The following CD44 variants were observed in gnomAD, a reference collection of about 807,000 sequenced individuals.
CD44 encodes CD44 antigen.
CD44 carries 49 observed loss-of-function variants against 88.8 expected under a neutral mutation model. The ratio of observed to expected loss-of-function variants is 0.55; its 90% CI spans 0.44 to 0.70. The LOEUF is 0.70. Among genes scored for constraint, CD44 ranks in the 30% least tolerant of loss-of-function variants. CD44 has a pLI of 0.00. For missense variants in CD44, 883 were observed against 913.8 expected (o/e 0.97, Z 0.43); for synonymous variants, 325 against 312.3 (o/e 1.04, Z -0.43).
chr11:35,198,035 A>T, intron 6 of CD44, 86 bp from the exon 7 acceptor site: 1 of 1,445,930 alleles, frequency 6.9e-7, no homozygotes, highest in Non-Finnish European at 9.4e-7. Context: ...TGGGAAATCC[A>T]TTATACCTTC....
At chr11:35,205,976 TC>T in intron 10 of CD44, 135 bp from the exon 11 acceptor site, 7 of 1,325,020 alleles carry the variant, frequency 5.3e-6, no homozygotes, top group Non-Finnish European at 6.8e-6. Flanking sequence ...TTATGCAACT[TC>T]CTTGCCCTCT....
chr11:35,178,796 G>A (rs564666825), intron 2 of CD44, among the ~76,000 whole-genome samples: 11 of 152,262 alleles, frequency 7.2e-5, no homozygotes, highest in African/African-American at 2.6e-4. Context: ...GGTTCACCAA[G>A]AAGTATTATT....
intron 7 of CD44, among the ~76,000 whole-genome samples, chr11:35,200,174 C>T (rs1032679173): frequency 4.0e-5 from 6 of 151,850 alleles, no homozygotes; most frequent in Non-Finnish European, 8.8e-5. Context: ...ATAGAGCTGA[C>T]AGTATTATAG....
chr11:35,188,991 C>G (rs549101992), intron 4 of CD44, among the ~76,000 whole-genome samples: 296 of 152,174 alleles, frequency 1.9e-3, no homozygotes, highest in Non-Finnish European at 3.5e-3. Flanking sequence ...CAAAAAGAAC[C>G]TTTAGTCCCA....
intron 15 of CD44, 173 bp from the exon 16 acceptor site, chr11:35,219,143 A>AT: frequency 3.3e-6 from 2 of 607,690 alleles, no homozygotes; most frequent in Non-Finnish European, 5.9e-6. Context: ...CCTTAATCAA[A>AT]TGAGGTGGGG....
At chr11:35,199,480 T>G (rs564250146) in intron 7 of CD44, among the ~76,000 whole-genome samples, 2 of 152,264 alleles carry the variant, frequency 1.3e-5, no homozygotes, top group South Asian at 2.1e-4. Context: ...GCTCTCCCAA[T>G]TCACTGAAGT....
intron 5 of CD44, among the ~76,000 whole-genome samples, chr11:35,195,063 A>G (rs1946604975): frequency 6.6e-6 from 1 of 152,230 alleles, no homozygotes; most frequent in African/African-American, 2.4e-5. Context: ...TCCATATCAG[A>G]ATCTAGGCCT....
At chr11:35,148,176 C>T (rs1452369191) in intron 1 of CD44, among the ~76,000 whole-genome samples, 1 of 152,132 alleles carries the variant, frequency 6.6e-6, no homozygotes, top group Non-Finnish European at 1.5e-5. Flanking sequence ...AAGGGCATTT[C>T]TGCCCAAGCC....
At chr11:35,198,803 C>G (rs955876231) in intron 7 of CD44, among the ~76,000 whole-genome samples, 3 of 152,028 alleles carry the variant, frequency 2.0e-5, no homozygotes, top group African/African-American at 7.2e-5. Flanking sequence ...ACAGTGAAAC[C>G]CCATCTCTAC....
At chr11:35,206,668 G>GAC (rs138135425) in intron 11 of CD44, among the ~76,000 whole-genome samples, 1 of 123,830 alleles carries the variant, frequency 8.1e-6, no homozygotes, top group African/African-American at 4.0e-5. Context: ...GTGGGGGTTG[G>GAC]TGGGGGGGGC....
At chr11:35,218,598 A>T (rs1949032467) in intron 15 of CD44, among the ~76,000 whole-genome samples, 1 of 152,218 alleles carries the variant, frequency 6.6e-6, no homozygotes, top group Non-Finnish European at 1.5e-5. Flanking sequence ...AAGTACTGGG[A>T]TTACAGGCGT....
chr11:35,176,600 A>T lies in CD44; in HGVS notation c.93A>T (p.Ala31=). ...QIDLNITCRF[A]GVFHVEKNGR... ...ATTTGAATATAACCTGCCGCTTTGCAGGTGTATTCCACGTGGAGAAAAATG... is the reference window on the plus strand; with the variant it reads ...ATTTGAATATAACCTGCCGCTTTGCTGGTGTATTCCACGTGGAGAAAAATG... The change falls in exon 2 of 18, where the codon GCA becomes GCT. Residue 31 remains alanine (A), a synonymous_variant. Coordinates refer to ENST00000428726, the MANE Select transcript of CD44 (RefSeq NM_000610.4). 1 of 1,612,906 alleles carries T rather than the reference A, an allele frequency of 6.2e-7. No individual in the cohort carries two copies.
At chr11:35,140,288 C>T (rs1355798108) in intron 1 of CD44, among the ~76,000 whole-genome samples, 1 of 152,214 alleles carries the variant, frequency 6.6e-6, no homozygotes, top group Admixed American at 6.5e-5. Flanking sequence ...TAGCACGGCT[C>T]AACTCCAAGC....
At chr11:35,148,324 C>T (rs1053897772) in intron 1 of CD44, among the ~76,000 whole-genome samples, 10 of 152,214 alleles carry the variant, frequency 6.6e-5, no homozygotes, top group Admixed American at 3.9e-4. Flanking sequence ...AACCAGCTGA[C>T]GTCAGCTCCG....
At chr11:35,201,367 A>G (rs1233578291) in intron 8 of CD44, among the ~76,000 whole-genome samples, 172 bp downstream of exon 8, 1 of 152,208 alleles carries the variant, frequency 6.6e-6, no homozygotes, top group African/African-American at 2.4e-5. Context: ...TATCAATTAT[A>G]CCATGTGGGC....
chr11:35,181,999 T>A (rs1461009917), intron 3 of CD44, among the ~76,000 whole-genome samples: 10 of 109,622 alleles, frequency 9.1e-5, no homozygotes, highest in Admixed American at 1.3e-4. Flanking sequence ...AAATTTATAT[T>A]TATATATATG....
At chr11:35,206,676 G>GGGC (rs545657362) in intron 11 of CD44, among the ~76,000 whole-genome samples, 1 of 151,664 alleles carries the variant, frequency 6.6e-6, no homozygotes, top group South Asian at 2.1e-4. Flanking sequence ...TGGTGGGGGG[G>GGGC]GCAGTTTTCC....
chr11:35,179,381 C>T (rs71480068), intron 2 of CD44, among the ~76,000 whole-genome samples: 2 of 151,894 alleles, frequency 1.3e-5, no homozygotes, highest in South Asian at 2.1e-4. Context: ...ATTTTATATT[C>T]AAAAAAAATT....
intron 17 of CD44, among the ~76,000 whole-genome samples, chr11:35,224,030 G>A (rs1387808296): frequency 1.3e-5 from 2 of 152,170 alleles, no homozygotes; most frequent in East Asian, 3.9e-4. Flanking sequence ...GAATCTTGAG[G>A]TTTAGTGGCA....
Sources: allele counts gnomAD v4.1 joint callset (sites outside exome capture counted in the v4.1 genomes callset), GRCh38; gene constraint gnomAD v4.1.1; transcripts MANE v1.5; gene names NCBI Gene and HGNC (gene_info 2026-07-23, HGNC 2026-07-21).